Variants in TAOK3 observed in about 807,000 individuals in gnomAD.
TAOK3 encodes the protein serine/threonine-protein kinase TAO3.
Under a neutral mutation model 120.4 loss-of-function variants are expected in TAOK3, and 40 were observed. That is an observed-to-expected ratio of 0.33 (90% CI 0.26 to 0.43). The LOEUF is 0.43. Ranked by LOEUF, TAOK3 falls within the 20% of genes least tolerant of loss-of-function variation. The probability of loss-of-function intolerance (pLI) is 1.00; values close to 1 mark genes in which losing one functional copy is unlikely to be tolerated. For missense variants in TAOK3, 821 were observed against 1,112.1 expected, an observed-to-expected ratio of 0.74 and a Z score of 3.72; for synonymous variants, 355 against 387.5, an observed-to-expected ratio of 0.92 and a Z score of 0.99.
rs376627551 is a variant in TAOK3, at chr12:118,181,476, G to A, written c.1461C>T (p.Asp487=). 6.2e-6 allele frequency: 10 copies of A among 1,614,066 alleles called. No individual in the cohort carries two copies. In the East Asian group the frequency reaches 8.9e-5, roughly 14 times the overall value. ...CCTTCTGTAGCTTGAGGCGGTGCTC[G>A]TCCATCTCAGCCTTCAGCTTGTTCT... ...ALENKLKAEM[D]EHRLKLQKEV... The change falls in exon 15 of 21, where the codon GAC becomes GAT. Residue 487 remains aspartate, a synonymous_variant. Transcript: ENST00000392533.
chr12:118,348,454 C>CTT (rs1168127251), intron 1 of TAOK3, among the ~76,000 whole-genome samples: 4 of 145,224 alleles, frequency 2.8e-5, no homozygotes, highest in Non-Finnish European at 3.0e-5. Flanking sequence ...TTCTTTCTTT[C>CTT]TTTTTTTTTT....
chr12:118,327,497 G>T (rs2043982197), intron 1 of TAOK3, among the ~76,000 whole-genome samples: 1 of 152,136 alleles, frequency 6.6e-6, no homozygotes, highest in Non-Finnish European at 1.5e-5. Flanking sequence ...GAAGGAAAAT[G>T]TTTAAACATT....
chr12:118,204,557 A>G (rs1039856324), intron 11 of TAOK3, among the ~76,000 whole-genome samples: 9 of 152,198 alleles, frequency 5.9e-5, no homozygotes, highest in African/African-American at 2.2e-4. Flanking sequence ...TGAATAAAAA[A>G]CATCATTCCC....
Position 118,243,490 on chromosome 12 carries a change from A to T in TAOK3, c.219T>A (p.Val73=). 1 of 1,517,218 alleles carries T rather than the reference A, an allele frequency of 6.6e-7. No homozygotes were observed. The highest frequency in any genetic ancestry group is 1.3e-5 in the South Asian group (1 of 77,598). 94.0% of individuals were successfully genotyped at this position (1,517,218 alleles called of 1,614,324 possible). A position where few individuals can be genotyped will look rare whatever the true frequency, so the allele number is the denominator to read the frequency against. Reference sequence around the variant, plus strand: ...GATGCTTCAATTGTCGTAAAAATTTAACTTCCTTAAGAATATCTTGCCATT... The same window carrying T: ...GATGCTTCAATTGTCGTAAAAATTTTACTTCCTTAAGAATATCTTGCCATT... The part of the protein sequence containing the change: ...HEKWQDILKE[V]KFLRQLKHPN... Residue 73 remains valine (V), a synonymous_variant, in exon 5 of 21, where the codon GTT becomes GTA. Transcript: ENST00000392533.
At chr12:118,296,661 A>G (rs1025420188) in intron 1 of TAOK3, among the ~76,000 whole-genome samples, 7 of 152,190 alleles carry the variant, frequency 4.6e-5, no homozygotes, top group African/African-American at 1.7e-4. Context: ...AACAGTTAAG[A>G]TACATGACAT....
intron 1 of TAOK3, among the ~76,000 whole-genome samples, chr12:118,285,900 G>A (rs1012499328): frequency 1.5e-4 from 23 of 152,094 alleles, no homozygotes; most frequent in African/African-American, 5.6e-4. Context: ...TGGAAAGGTG[G>A]GACAACTCGA....
At chr12:118,322,870 T>G (rs1443740997) in intron 1 of TAOK3, among the ~76,000 whole-genome samples, 3 of 151,312 alleles carry the variant, frequency 2.0e-5, no homozygotes, top group East Asian at 3.9e-4. Flanking sequence ...GGATTACAGG[T>G]GTGCACCATT....
intron 1 of TAOK3, among the ~76,000 whole-genome samples, chr12:118,367,335 C>A (rs2045765583): frequency 6.6e-6 from 1 of 151,580 alleles, no homozygotes; most frequent in Non-Finnish European, 1.5e-5. Context: ...ATTTATAAAG[C>A]AGGTAACTTT....
intron 13 of TAOK3, among the ~76,000 whole-genome samples, chr12:118,193,997 A>C (rs921466446): frequency 6.6e-6 from 1 of 152,264 alleles, no homozygotes; most frequent in African/African-American, 2.4e-5. Context: ...AAACACAAGA[A>C]TATAGGTCTG....
chr12:118,337,678 T>C (rs2044422909), intron 1 of TAOK3, among the ~76,000 whole-genome samples: 2 of 152,222 alleles, frequency 1.3e-5, no homozygotes, highest in African/African-American at 4.8e-5. Context: ...TACTGAATGA[T>C]TTCATTTGTA....
At chr12:118,337,535 G>T (rs2044415896) in intron 1 of TAOK3, among the ~76,000 whole-genome samples, 1 of 152,128 alleles carries the variant, frequency 6.6e-6, no homozygotes, top group Non-Finnish European at 1.5e-5. Context: ...ATGGATAAAG[G>T]ATTAAACAAA....
chr12:118,153,208 A>T (rs2034572519), intron 19 of TAOK3, among the ~76,000 whole-genome samples: 1 of 152,156 alleles, frequency 6.6e-6, no homozygotes, highest in Non-Finnish European at 1.5e-5. Context: ...GGCATTCAAT[A>T]CTAGCTTGGG....
chr12:118,262,984 A>G (rs1436778236), intron 2 of TAOK3, among the ~76,000 whole-genome samples: 1 of 152,218 alleles, frequency 6.6e-6, no homozygotes, highest in East Asian at 1.9e-4. Context: ...TTAAACTCTG[A>G]GAAGTTTAAT....
chr12:118,168,104 A>G (rs1010589738), intron 17 of TAOK3, among the ~76,000 whole-genome samples: 1 of 152,234 alleles, frequency 6.6e-6, no homozygotes, highest in African/African-American at 2.4e-5. Context: ...ATAGAAAAAA[A>G]CCTAGAAATA....
intron 1 of TAOK3, among the ~76,000 whole-genome samples, chr12:118,271,395 A>G (rs1009597998): frequency 6.6e-6 from 1 of 152,160 alleles, no homozygotes; most frequent in African/African-American, 2.4e-5. Flanking sequence ...CCATCTTTAT[A>G]GATTTCCTTG....
chr12:118,339,634 C>T (rs1213948796), intron 1 of TAOK3, among the ~76,000 whole-genome samples: 2 of 151,474 alleles, frequency 1.3e-5, no homozygotes, highest in Non-Finnish European at 2.9e-5. Context: ...GGTGCGATCT[C>T]GGCTCACTGC....
chr12:118,210,733 CTTTTTTCTTTTTTT>C (rs1325580620), intron 11 of TAOK3, among the ~76,000 whole-genome samples: 1 of 147,982 alleles, frequency 6.8e-6, no homozygotes, highest in African/African-American at 2.5e-5. Flanking sequence ...TATTTCTTTT[CTTTTTTCTTTTTTT>C]TTTTTTTTTG....
intron 17 of TAOK3, among the ~76,000 whole-genome samples, chr12:118,164,739 A>G (rs970373801): frequency 6.6e-6 from 1 of 152,170 alleles, no homozygotes; most frequent in Non-Finnish European, 1.5e-5. Context: ...TTTAAATTAG[A>G]ACAATAGAGG....
chr12:118,167,422 T>A (rs2035672409), intron 17 of TAOK3, among the ~76,000 whole-genome samples: 1 of 152,060 alleles, frequency 6.6e-6, no homozygotes, highest in African/African-American at 2.4e-5. Flanking sequence ...TAAAAATATC[T>A]ATGTACAACA....
Sources: allele counts gnomAD v4.1 joint callset (sites outside exome capture counted in the v4.1 genomes callset), GRCh38; gene constraint gnomAD v4.1.1; transcripts MANE v1.5; gene names NCBI Gene and HGNC (gene_info 2026-07-23, HGNC 2026-07-21).